Variants in VCAN observed in about 807,000 individuals in gnomAD.
The protein encoded by VCAN is versican core protein.
A neutral mutation model predicts 245.5 loss-of-function variants in VCAN; 44 were observed. The ratio of observed to expected loss-of-function variants is 0.18; its 90% CI spans 0.14 to 0.23. VCAN has a LOEUF of 0.23. Among genes scored for constraint, VCAN ranks in the 10% least tolerant of loss-of-function variants. The pLI is 1.00. For missense variants in VCAN, 3,793 were observed against 4,057.9 expected (o/e 0.93, Z 1.77); for synonymous variants, 1,413 against 1,437.0 (o/e 0.98, Z 0.38).
intron 10 of VCAN, among the ~76,000 whole-genome samples, chr5:83,549,297 T>C (rs1747365238): frequency 6.6e-6 from 1 of 152,234 alleles, no homozygotes; most frequent in Non-Finnish European, 1.5e-5. Context: ...TCTCTGATCC[T>C]GGTGACTTAG....
intron 5 of VCAN, among the ~76,000 whole-genome samples, chr5:83,495,418 T>C (rs1244239751): frequency 6.6e-6 from 1 of 152,242 alleles, no homozygotes; most frequent in African/African-American, 2.4e-5. Context: ...GCCAGATGTA[T>C]TTTCTAAACC....
chr5:83,537,555 G>T lies in VCAN; in HGVS notation c.4552G>T (p.Gly1518Trp), dbSNP rs1401201077. 1 of 1,613,832 alleles carries T rather than the reference G, an allele frequency of 6.2e-7. No individual in the cohort carries two copies. The highest frequency in any genetic ancestry group is 8.5e-7 in the Non-Finnish European group (1 of 1,179,904). Reference protein sequence around the residue: ...EEFESGTAKKGAESVTERDTE... With the variant: ...EEFESGTAKKWAESVTERDTE... ...ATTTGAAAGTGGAACAGCCAAAAAA[G>T]GGGCAGAATCAGTCACAGAGAGAGA... Residue 1518 changes from glycine (G) to tryptophan (W), a missense_variant, in exon 8 of 15, where the codon GGG becomes TGG. Transcript: ENST00000265077.
At chr5:83,576,716 A>G (rs887827992) in intron 13 of VCAN, among the ~76,000 whole-genome samples, 1 of 152,134 alleles carries the variant, frequency 6.6e-6, no homozygotes, top group East Asian at 1.9e-4. Flanking sequence ...GTTGCTCTAC[A>G]TCTTCTCCAA....
chr5:83,509,115 AAG>A (rs1272844623), intron 5 of VCAN, among the ~76,000 whole-genome samples: 1 of 152,204 alleles, frequency 6.6e-6, no homozygotes, highest in East Asian at 1.9e-4. Context: ...GAAGGAAAGA[AAG>A]AAAGAAAGAA....
At chr5:83,493,957 T>C (rs780748518) in intron 5 of VCAN, 26 bp downstream of exon 5, 3 of 1,613,692 alleles carry the variant, frequency 1.9e-6, no homozygotes, top group Non-Finnish European at 2.5e-6. Flanking sequence ...TTCTATATCT[T>C]CGTATGAACT....
intron 5 of VCAN, among the ~76,000 whole-genome samples, chr5:83,504,323 C>T (rs967062194): frequency 1.3e-5 from 2 of 151,714 alleles, no homozygotes; most frequent in African/African-American, 4.8e-5. Flanking sequence ...ATGAAAGGCT[C>T]TGTTGTATAT....
intron 5 of VCAN, among the ~76,000 whole-genome samples, chr5:83,507,799 T>A (rs1324500208): frequency 1.3e-5 from 2 of 152,250 alleles, no homozygotes; most frequent in African/African-American, 2.4e-5. Flanking sequence ...TAATTTGACT[T>A]ATAAATAATT....
intron 8 of VCAN, chr5:83,545,199 A>G (rs955522596): frequency 7.5e-6 from 3 of 401,912 alleles, no homozygotes; most frequent in Non-Finnish European, 9.4e-6. Flanking sequence ...TTCACTGTGC[A>G]CATATGTGTA....
intron 5 of VCAN, among the ~76,000 whole-genome samples, chr5:83,508,491 T>C (rs1745546964): frequency 6.6e-6 from 1 of 152,226 alleles, no homozygotes; most frequent in South Asian, 2.1e-4. Flanking sequence ...ATTAAAGACA[T>C]ACTCAATTCT....
chr5:83,554,529 T>A (rs1747590204), intron 11 of VCAN, among the ~76,000 whole-genome samples: 1 of 152,092 alleles, frequency 6.6e-6, no homozygotes, highest in African/African-American at 2.4e-5. Context: ...AAGGAACAAG[T>A]GGCTTCCAAA....
chr5:83,572,568 T>A lies in VCAN; in HGVS notation c.9880+8T>A, dbSNP rs763924596. On this transcript the variant is annotated splice_region_variant and intron_variant, in intron 13 of 14. Coordinates refer to ENST00000265077, the MANE Select transcript of VCAN (RefSeq NM_004385.5). ...CGTGCAAGAAAGGAACAGGTAATGATCACCCTGTTAATAATGTGTACTTAA... is the reference window on the plus strand; with the variant it reads ...CGTGCAAGAAAGGAACAGGTAATGAACACCCTGTTAATAATGTGTACTTAA... 3.1e-6 allele frequency: 5 copies of A among 1,613,560 alleles called. No individual in the cohort carries two copies. Among genetic ancestry groups the A allele is most frequent in the Non-Finnish European group, 4.2e-6 (5 of 1,179,624 alleles).
intron 10 of VCAN, among the ~76,000 whole-genome samples, chr5:83,550,242 ATTTGTTTG>A (rs577470372): frequency 2.0e-5 from 3 of 152,280 alleles, no homozygotes; most frequent in African/African-American, 7.2e-5. Context: ...TTTTTGGTGA[ATTTGTTTG>A]TGATAGTTTC....
chr5:83,574,999 T>G (rs1748421219), intron 13 of VCAN, among the ~76,000 whole-genome samples: 1 of 152,172 alleles, frequency 6.6e-6, no homozygotes. Flanking sequence ...AATAATGGTG[T>G]TATCACATGA....
intron 13 of VCAN, among the ~76,000 whole-genome samples, chr5:83,574,402 T>C (rs550969661): frequency 2.0e-5 from 3 of 152,298 alleles, no homozygotes; most frequent in African/African-American, 7.2e-5. Flanking sequence ...CGTATTTAAA[T>C]TTCCAAATAA....
intron 5 of VCAN, among the ~76,000 whole-genome samples, chr5:83,501,876 G>A (rs1414529417): frequency 6.6e-6 from 1 of 152,098 alleles, no homozygotes; most frequent in African/African-American, 2.4e-5. Context: ...GATCAACTTG[G>A]GGTATATTGC....
chr5:83,547,244 T>A (rs1186249487), intron 9 of VCAN, among the ~76,000 whole-genome samples: 2 of 152,202 alleles, frequency 1.3e-5, no homozygotes, highest in Non-Finnish European at 2.9e-5. Context: ...TCTAGTCAAG[T>A]GATTCTGAGA....
intron 12 of VCAN, among the ~76,000 whole-genome samples, chr5:83,557,215 T>C (rs552205539): frequency 6.6e-6 from 1 of 152,142 alleles, no homozygotes; most frequent in Non-Finnish European, 1.5e-5. Context: ...CTTACCTGAC[T>C]GAACCAAGTC....
At chr5:83,551,312 A>C (rs1431395269) in intron 10 of VCAN, among the ~76,000 whole-genome samples, 2 of 152,064 alleles carry the variant, frequency 1.3e-5, no homozygotes, top group African/African-American at 4.8e-5. Flanking sequence ...GGTGTTCAAG[A>C]CCAGCCTGGG....
At chr5:83,559,034 C>G (rs988216560) in intron 12 of VCAN, among the ~76,000 whole-genome samples, 3 of 152,050 alleles carry the variant, frequency 2.0e-5, no homozygotes, top group Non-Finnish European at 4.4e-5. Context: ...GTTAACTTGA[C>G]GATTGTTCTC....
Sources: gnomAD v4.1 joint callset for allele counts (sites outside exome capture counted in the v4.1 genomes callset) on GRCh38, gnomAD v4.1.1 for gene constraint, MANE v1.5 for transcripts, NCBI Gene and HGNC (gene_info 2026-07-23, HGNC 2026-07-21) for gene names.